Variants in ITPK1 observed in about 807,000 individuals in gnomAD.
ITPK1 encodes the protein inositol-tetrakisphosphate 1-kinase, also known as inositol 1,3,4-trisphosphate 5/6-kinase.
ITPK1 carries 21 observed loss-of-function variants against 45.3 expected under a neutral mutation model. That is an observed-to-expected ratio of 0.46 (90% CI 0.33 to 0.67). The LOEUF is 0.67. Ranked by LOEUF, ITPK1 falls within the 30% of genes least tolerant of loss-of-function variation. The probability of loss-of-function intolerance (pLI) is 0.02; values close to 1 mark genes in which losing one functional copy is unlikely to be tolerated. For synonymous variants in ITPK1, 258 were observed against 253.6 expected (o/e 1.02, Z -0.16); for missense variants, 474 against 573.5 (o/e 0.83, Z 1.77).
chr14:93,030,109 C>T (rs1029074411), intron 3 of ITPK1, among the ~76,000 whole-genome samples: 3 of 152,262 alleles, frequency 2.0e-5, no homozygotes, highest in African/African-American at 7.2e-5. Flanking sequence ...GCAGGCTGCA[C>T]TCCCTTCCAA....
intron 2 of ITPK1, among the ~76,000 whole-genome samples, chr14:93,094,681 C>T (rs1891995313): frequency 6.6e-6 from 1 of 152,246 alleles, no homozygotes; most frequent in African/African-American, 2.4e-5. Flanking sequence ...GCTCCACGTT[C>T]TTCACCACTT....
At chr14:93,095,966 G>A (rs963618909) in intron 2 of ITPK1, among the ~76,000 whole-genome samples, 3 of 152,180 alleles carry the variant, frequency 2.0e-5, no homozygotes, top group East Asian at 1.9e-4. Flanking sequence ...CACGGACTAT[G>A]TTGTGGGGTA....
rs919891314 is a variant in ITPK1, at chr14:93,034,621, T to A, written c.121-17820A>T. Among the ~76,000 whole-genome samples, 2 of 152,104 alleles carry A rather than the reference T, an allele frequency of 1.3e-5. No individual in the cohort carries two copies. The highest frequency in any genetic ancestry group is 2.9e-5 in the Non-Finnish European group (2 of 68,000). On this transcript the variant is annotated intron_variant, in intron 3 of 10. Transcript: ENST00000267615. The surrounding 1 kb of genome is among the most constrained non-coding windows in gnomAD (Gnocchi z 4.1). ...CCCCTGGGACCTCCCACATCCTGCA[T>A]GAAGGTGGGGACTCAGTGAAAGCCT...
In ITPK1 at chr14:93,115,283, G is replaced by C. The variant is rs762113213; in HGVS notation, c.-120C>G. 4.8e-6 allele frequency: 3 copies of C among 630,768 alleles called. No homozygotes were observed. The highest frequency in any genetic ancestry group is 3.6e-5 in the South Asian group (2 of 54,850). 39.1% of individuals were successfully genotyped at this position (630,768 alleles called of 1,614,324 possible). On this transcript the variant is annotated 5_prime_UTR_variant, in exon 2 of 11. In the 5' UTR this introduces an upstream ATG that the reference lacks. Transcript: ENST00000267615. ...CCCGGCGGCGGGGACGCGGAACGGG[G>C]ATCGGAGCTGGGGCGCGCAGTCCTG...
chr14:93,037,017 C>T (rs116969012), intron 3 of ITPK1: 1 of 152,270 alleles, frequency 6.6e-6, no homozygotes, highest in Non-Finnish European at 1.5e-5. Context: ...CCTCACTTAT[C>T]AGGGCTCTGT....
At position 93,115,072 on chromosome 14, in the gene ITPK1, C is replaced by T; in HGVS notation, c.92G>A (p.Cys31Tyr). 1 of 1,597,480 alleles carries T rather than the reference C, an allele frequency of 6.3e-7. No homozygotes were observed. The highest frequency in any genetic ancestry group is 1.4e-5 in the African/African-American group (1 of 73,002). The change falls in exon 2 of 11, where the codon TGC (cysteine) becomes TAC (tyrosine). Residue 31 changes from cysteine to tyrosine, a missense_variant. Around this residue, in one of 2 missense-constraint regions of ITPK1, gnomAD observed 367 missense variants for 480.6 expected, o/e 0.76. Coordinates refer to ENST00000267615, the MANE Select transcript of ITPK1 (RefSeq NM_014216.6). ...KLNFQAFAEL[C>Y]RKRGMEVVQL... is the part of the protein sequence containing the mutation. ...CCGGCGCCGCGTCCCTCCTTACCTG[C>T]ACAGCTCGGCGAAGGCCTGGAAATT...
intron 2 of ITPK1, among the ~76,000 whole-genome samples, chr14:93,106,568 C>T (rs757625272): frequency 3.6e-4 from 55 of 152,200 alleles, no homozygotes; most frequent in Non-Finnish European, 6.2e-4. Context: ...TGCTGAATGT[C>T]GCCTCCTTAG....
chr14:92,949,550 C>T (rs1887858357), intron 9 of ITPK1, among the ~76,000 whole-genome samples: 1 of 152,246 alleles, frequency 6.6e-6, no homozygotes, highest in African/African-American at 2.4e-5. Context: ...CCACTCTCCA[C>T]TGTGTACCCT....
chr14:92,977,123 C>A (rs1454831851), intron 5 of ITPK1, among the ~76,000 whole-genome samples: 1 of 152,256 alleles, frequency 6.6e-6, no homozygotes, highest in East Asian at 1.9e-4. Flanking sequence ...AAGGATCAAA[C>A]AGGTTAACAC....
chr14:93,051,710 TA>T (rs1199726638), intron 3 of ITPK1, among the ~76,000 whole-genome samples: 1 of 151,928 alleles, frequency 6.6e-6, no homozygotes, highest in South Asian at 2.1e-4. Flanking sequence ...AAGGAACCCC[TA>T]GGGGTGCCTC....
At chr14:92,946,574 C>A in intron 9 of ITPK1, 81 bp from the exon 10 acceptor site, 1 of 1,368,194 alleles carries the variant, frequency 7.3e-7, no homozygotes, top group Admixed American at 1.9e-5. Flanking sequence ...CCCACACCAG[C>A]TGCCACGAGG....
intron 5 of ITPK1, among the ~76,000 whole-genome samples, chr14:92,973,403 G>A (rs760477004): frequency 4.6e-5 from 7 of 152,232 alleles, no homozygotes; most frequent in African/African-American, 1.2e-4. Flanking sequence ...GCAATCTCCC[G>A]CCTGGCCACC....
chr14:93,079,597 A>T (rs1891359802), intron 2 of ITPK1, among the ~76,000 whole-genome samples: 1 of 152,166 alleles, frequency 6.6e-6, no homozygotes, highest in Non-Finnish European at 1.5e-5. Flanking sequence ...GGCAGCGGAA[A>T]ACTGCATCCC....
At chr14:92,951,360 T>C (rs1208447140) in intron 9 of ITPK1, among the ~76,000 whole-genome samples, 2 of 152,170 alleles carry the variant, frequency 1.3e-5, no homozygotes, top group Admixed American at 1.3e-4. Context: ...CCTTGCACCG[T>C]GTGAACAGCC....
intron 9 of ITPK1, among the ~76,000 whole-genome samples, chr14:92,947,553 T>G (rs1299985606): frequency 6.6e-6 from 1 of 152,256 alleles, no homozygotes; most frequent in African/African-American, 2.4e-5. Flanking sequence ...TTGGCCTCTC[T>G]GTCTCAGGTT....
intron 8 of ITPK1, among the ~76,000 whole-genome samples, chr14:92,955,495 A>AC (rs1884658393): frequency 6.6e-6 from 1 of 152,126 alleles, no homozygotes; most frequent in Admixed American, 6.5e-5. Flanking sequence ...GCTAATCTCT[A>AC]CCCTGGCACA....
chr14:92,997,782 A>G (rs1465856345), intron 4 of ITPK1, among the ~76,000 whole-genome samples: 1 of 152,206 alleles, frequency 6.6e-6, no homozygotes, highest in Non-Finnish European at 1.5e-5. Flanking sequence ...CTCTAGGCAG[A>G]AACATTCAGC....
intron 5 of ITPK1, among the ~76,000 whole-genome samples, chr14:92,972,818 G>A (rs907104008): frequency 1.3e-5 from 2 of 152,104 alleles, no homozygotes; most frequent in African/African-American, 2.4e-5. Context: ...CTTGAACTCC[G>A]GACCTCAAGT....
intron 9 of ITPK1, 103 bp downstream of exon 9, chr14:92,951,843 C>A (rs538821201): frequency 5.6e-6 from 5 of 890,192 alleles, no homozygotes; most frequent in African/African-American, 5.0e-5. Context: ...TCCCACCCTA[C>A]CCTGCTGGAG....
Sources: gnomAD v4.1 joint callset for allele counts (sites outside exome capture counted in the v4.1 genomes callset) on GRCh38, gnomAD v4.1.1 for gene constraint, gnomAD v4.1.1 regional missense constraint, Gnocchi (gnomAD v3.1) non-coding constraint, MANE v1.5 for transcripts, NCBI Gene and HGNC (gene_info 2026-07-23, HGNC 2026-07-21) for gene names.